The following CPED1 variants were observed in gnomAD, a reference collection of about 807,000 sequenced individuals.
CPED1 encodes the protein cadherin-like and PC-esterase domain-containing protein 1.
In CPED1, 114 loss-of-function variants were observed where a neutral mutation model predicts 128.2. The observed-to-expected ratio is 0.89, with a 90% CI of 0.76 to 1.04. The LOEUF is 1.04. CPED1 is among the 50% of genes least tolerant of loss of function. CPED1 has a pLI of 0.00. For missense variants in CPED1, 1,211 were observed against 1,207.1 expected (o/e 1.00, Z -0.05); for synonymous variants, 462 against 426.7 (o/e 1.08, Z -1.02).
chr7:121,086,060 G>A (rs1293561566), intron 5 of CPED1, among the ~76,000 whole-genome samples: 1 of 152,170 alleles, frequency 6.6e-6, no homozygotes, highest in Non-Finnish European at 1.5e-5. Context: ...AAGATGACAT[G>A]GTTGAGTAGA....
At chr7:121,198,814 G>A (rs764952201) in intron 16 of CPED1, among the ~76,000 whole-genome samples, 6 of 152,054 alleles carry the variant, frequency 3.9e-5, no homozygotes, top group Non-Finnish European at 5.9e-5. Flanking sequence ...CATTCCTATC[G>A]GTAACTGAAT....
At chr7:121,056,892 G>C (rs1793511679) in intron 4 of CPED1, among the ~76,000 whole-genome samples, 1 of 152,116 alleles carries the variant, frequency 6.6e-6, no homozygotes, top group Non-Finnish European at 1.5e-5. Flanking sequence ...TCAAAACCTT[G>C]AGTATTTATT....
At chr7:121,019,100 T>C (rs1379811075) in intron 3 of CPED1, among the ~76,000 whole-genome samples, 1 of 152,146 alleles carries the variant, frequency 6.6e-6, no homozygotes. Flanking sequence ...CTATGACTTA[T>C]ATACTAGACA....
rs1318408063 is a variant in CPED1, at chr7:121,266,762, T to C, written c.2587T>C (p.Trp863Arg). Residue 863 changes from tryptophan to arginine, a missense_variant, in exon 20 of 23, where the codon TGG (tryptophan) becomes CGG (arginine). By Grantham distance (101) the Trp-to-Arg change is moderately radical. Coordinates refer to ENST00000310396, the MANE Select transcript of CPED1 (RefSeq NM_024913.5). ...TGTATTGGTTGTTGGTGGTGTTCAGTGGCTTAATTCCAATCACCTGCAAAT... is the reference window on the plus strand; with the variant it reads ...TGTATTGGTTGTTGGTGGTGTTCAGCGGCTTAATTCCAATCACCTGCAAAT... ...QTVLVVGGVQ[W>R]LNSNHLQIIH... is the part of the protein sequence containing the mutation. 6.2e-7 allele frequency: 1 copy of C among 1,613,052 alleles called. No individual in the cohort carries two copies. The highest frequency in any genetic ancestry group is 1.1e-5 in the South Asian group (1 of 91,054).
intron 5 of CPED1, among the ~76,000 whole-genome samples, chr7:121,081,184 C>T (rs2116138057): frequency 6.6e-6 from 1 of 152,306 alleles, no homozygotes; most frequent in South Asian, 2.1e-4. Context: ...CAATCTGACA[C>T]ATCCTGTTGA....
At chr7:121,140,711 A>C in intron 14 of CPED1, 116 bp from the exon 15 acceptor site, 1 of 699,066 alleles carries the variant, frequency 1.4e-6, no homozygotes, top group Non-Finnish European at 2.3e-6. Context: ...GAAAGTCAGC[A>C]GGGATCATTG....
intron 16 of CPED1, among the ~76,000 whole-genome samples, chr7:121,173,278 G>A (rs572597492): frequency 1.3e-5 from 2 of 152,010 alleles, no homozygotes; most frequent in Admixed American, 6.6e-5. Context: ...TAGGTTCATG[G>A]TTACATGTGC....
intron 22 of CPED1, among the ~76,000 whole-genome samples, chr7:121,276,910 G>A (rs1056878874): frequency 1.3e-5 from 2 of 152,052 alleles, no homozygotes; most frequent in African/African-American, 2.4e-5. Context: ...AGGTTTTCAG[G>A]AGAGGAGTGA....
chr7:121,289,824 T>A lies in CPED1; in HGVS notation c.2869-5616T>A, dbSNP rs1792656126. ...TTTATTATTTTATTTATTTTTATTA[T>A]ACTTTAAGTTCTGGGATACATATGC... is the stretch of plus-strand genomic sequence containing the variant. On this transcript the variant is annotated intron_variant, in intron 22 of 22. Transcript: ENST00000310396. Among the ~76,000 whole-genome samples, 3 of 152,348 alleles carry A rather than the reference T, an allele frequency of 2.0e-5. No homozygotes were observed. In the South Asian group the frequency reaches 6.2e-4, roughly 32 times the overall value.
At chr7:121,249,601 A>G (rs1798621052) in intron 18 of CPED1, among the ~76,000 whole-genome samples, 1 of 152,220 alleles carries the variant, frequency 6.6e-6, no homozygotes, top group East Asian at 1.9e-4. Context: ...AAGGAGAAAT[A>G]AAATCATTCT....
At chr7:121,075,035 G>A (rs914033091) in intron 5 of CPED1, among the ~76,000 whole-genome samples, 12 of 152,166 alleles carry the variant, frequency 7.9e-5, no homozygotes, top group Non-Finnish European at 1.5e-5. Flanking sequence ...ACACATCAAG[G>A]CATTCAGCAT....
intron 7 of CPED1, among the ~76,000 whole-genome samples, chr7:121,104,271 A>G (rs1454422140): frequency 6.6e-6 from 1 of 152,168 alleles, no homozygotes; most frequent in African/African-American, 2.4e-5. Flanking sequence ...GTTTGTATCT[A>G]TAAATTCACG....
At chr7:121,194,691 G>A (rs1485801227) in intron 16 of CPED1, among the ~76,000 whole-genome samples, 1 of 152,094 alleles carries the variant, frequency 6.6e-6, no homozygotes, top group East Asian at 1.9e-4. Flanking sequence ...CGTAAAATAA[G>A]TTTTTAATTT....
At chr7:121,220,065 T>A (rs550823517) in intron 16 of CPED1, among the ~76,000 whole-genome samples, 1 of 152,204 alleles carries the variant, frequency 6.6e-6, no homozygotes, top group South Asian at 2.1e-4. Context: ...TGTCCTATAC[T>A]TTTATTAGCC....
At chr7:121,007,955 G>T (rs1471416392) in intron 2 of CPED1, among the ~76,000 whole-genome samples, 3 of 136,050 alleles carry the variant, frequency 2.2e-5, no homozygotes, top group Non-Finnish European at 4.8e-5. Flanking sequence ...AGTGACTCAG[G>T]TTACTTTCAC....
chr7:121,146,329 T>C (rs962495488), intron 16 of CPED1, among the ~76,000 whole-genome samples: 10 of 152,170 alleles, frequency 6.6e-5, no homozygotes, highest in African/African-American at 9.7e-5. Flanking sequence ...CATCCATTTA[T>C]GAGAGTGGAA....
chr7:121,114,561 T>G (rs1318153893), intron 7 of CPED1, among the ~76,000 whole-genome samples: 1 of 152,202 alleles, frequency 6.6e-6, no homozygotes, highest in Non-Finnish European at 1.5e-5. Context: ...ATAAAAACTT[T>G]CAAAATTTAG....
intron 5 of CPED1, among the ~76,000 whole-genome samples, chr7:121,083,232 A>G (rs1687015039): frequency 6.6e-6 from 1 of 152,150 alleles, no homozygotes; most frequent in Non-Finnish European, 1.5e-5. Flanking sequence ...AAATTTACCA[A>G]TGCAAACCTT....
rs1363503857 is a variant in CPED1 at position 121,124,313 on chromosome 7, C to T, written c.919-18C>T. Reference sequence around the variant, plus strand: ...GAGGCTATTGTTTTAACACGTGAATCCTTTACTTTGTTCACAGCTGCAAAC... The same window carrying T: ...GAGGCTATTGTTTTAACACGTGAATTCTTTACTTTGTTCACAGCTGCAAAC... On this transcript the variant is annotated intron_variant, in intron 7 of 22. Coordinates refer to ENST00000310396, the MANE Select transcript of CPED1 (RefSeq NM_024913.5). 5.0e-6 allele frequency: 8 copies of T among 1,592,518 alleles called. No homozygotes were observed. In the East Asian group the frequency reaches 1.8e-4, roughly 36 times the overall value.
Sources: allele counts gnomAD v4.1 joint callset (sites outside exome capture counted in the v4.1 genomes callset), GRCh38; gene constraint gnomAD v4.1.1; transcripts MANE v1.5; gene names NCBI Gene and HGNC (gene_info 2026-07-23, HGNC 2026-07-21).